The following KCNIP4 variants were observed in gnomAD, a reference collection of about 807,000 sequenced individuals.
KCNIP4 encodes potassium voltage-gated channel interacting protein 4.
A neutral mutation model predicts 34.0 loss-of-function variants in KCNIP4; 12 were observed. The observed-to-expected ratio is 0.35, with a 90% confidence interval of 0.23 to 0.57. KCNIP4 has a LOEUF of 0.57. Among genes scored for constraint, KCNIP4 ranks in the 20% least tolerant of loss-of-function variants. The probability of loss-of-function intolerance (pLI) is 0.83; values close to 1 mark genes in which losing one functional copy is unlikely to be tolerated. For missense variants in KCNIP4, 238 were observed against 311.7 expected (o/e 0.76, Z 1.78); for synonymous variants, 124 against 102.2 (o/e 1.21, Z -1.29).
chr4:21,872,090 T>C (rs1725855052), intron 1 of KCNIP4, among the ~76,000 whole-genome samples: 1 of 152,054 alleles, frequency 6.6e-6, no homozygotes, highest in Non-Finnish European at 1.5e-5. Flanking sequence ...AGAGCTTAAG[T>C]GTCCTATCAG....
chr4:21,076,608 A>C (rs946403247), intron 1 of KCNIP4, among the ~76,000 whole-genome samples: 1 of 152,166 alleles, frequency 6.6e-6, no homozygotes, highest in African/African-American at 2.4e-5. Context: ...GTAACTCTTC[A>C]GTTCTATGAC....
intron 1 of KCNIP4, among the ~76,000 whole-genome samples, chr4:20,970,308 A>G (rs939275256): frequency 8.6e-5 from 13 of 151,992 alleles, no homozygotes; most frequent in Admixed American, 6.6e-5. Context: ...CTATTTATAC[A>G]TTTTCCTCAA....
intron 6 of KCNIP4, among the ~76,000 whole-genome samples, chr4:20,733,293 G>C (rs1031909905): frequency 6.6e-6 from 1 of 152,096 alleles, no homozygotes; most frequent in Non-Finnish European, 1.5e-5. Flanking sequence ...AGTCACATGT[G>C]AAGACTAGTC....
At chr4:21,783,867 T>C (rs973169628) in intron 1 of KCNIP4, among the ~76,000 whole-genome samples, 18 of 147,114 alleles carry the variant, frequency 1.2e-4, no homozygotes, top group African/African-American at 4.9e-4. Flanking sequence ...ACGGATAAGG[T>C]ACAAAACTGA....
chr4:20,841,080 A>T (rs556346960), intron 3 of KCNIP4, among the ~76,000 whole-genome samples: 2 of 152,178 alleles, frequency 1.3e-5, no homozygotes, highest in Admixed American at 6.5e-5. Flanking sequence ...TAGTTCTTTT[A>T]CTAAAGGAGC....
chr4:21,625,121 G>T (rs921356182), intron 1 of KCNIP4, among the ~76,000 whole-genome samples: 5 of 152,000 alleles, frequency 3.3e-5, no homozygotes, highest in Admixed American at 1.3e-4. Flanking sequence ...TCATGACTTT[G>T]TTGGTCCTCC....
intron 1 of KCNIP4, among the ~76,000 whole-genome samples, chr4:21,443,665 C>T (rs537117070): frequency 6.6e-6 from 1 of 152,218 alleles, no homozygotes. Flanking sequence ...TGAACATTAA[C>T]CAGGCTCTTG....
chr4:20,936,963 C>A (rs957134440), intron 1 of KCNIP4, among the ~76,000 whole-genome samples: 1 of 152,000 alleles, frequency 6.6e-6, no homozygotes, highest in Non-Finnish European at 1.5e-5. Flanking sequence ...GCAGGTAGAT[C>A]AGTGTGCTGA....
At chr4:21,040,756 C>T (rs1259801300) in intron 1 of KCNIP4, among the ~76,000 whole-genome samples, 1 of 151,996 alleles carries the variant, frequency 6.6e-6, no homozygotes, top group Non-Finnish European at 1.5e-5. Flanking sequence ...TGAATGGGAT[C>T]CCAGGCACCC....
At chr4:21,009,772 G>A (rs1206144633) in intron 1 of KCNIP4, among the ~76,000 whole-genome samples, 1 of 152,270 alleles carries the variant, frequency 6.6e-6, no homozygotes, top group African/African-American at 2.4e-5. Context: ...ATGGGCTGCC[G>A]CCTCTGAGCT....
intron 1 of KCNIP4, among the ~76,000 whole-genome samples, chr4:21,789,904 C>T (rs184497560): frequency 1.2e-4 from 19 of 152,250 alleles, no homozygotes; most frequent in East Asian, 3.9e-4. Flanking sequence ...ATTCAGTTTG[C>T]GTTTGTTTTA....
chr4:21,894,111 C>T (rs1317849996), intron 1 of KCNIP4, among the ~76,000 whole-genome samples: 1 of 151,838 alleles, frequency 6.6e-6, no homozygotes, highest in African/African-American at 2.4e-5. Flanking sequence ...GAAGACAGAT[C>T]GCTAGAGGTC....
At chr4:20,970,893 T>C (rs566460524) in intron 1 of KCNIP4, among the ~76,000 whole-genome samples, 1 of 152,316 alleles carries the variant, frequency 6.6e-6, no homozygotes, top group Admixed American at 6.5e-5. Context: ...GCTCTACATA[T>C]GCGGTGCTTG....
intron 1 of KCNIP4, among the ~76,000 whole-genome samples, chr4:21,423,659 C>G (rs1034481727): frequency 6.6e-6 from 1 of 152,140 alleles, no homozygotes; most frequent in Non-Finnish European, 1.5e-5. Context: ...AAGTTCAATC[C>G]AACTGATTTT....
chr4:21,013,789 A>G (rs76318420), intron 1 of KCNIP4, among the ~76,000 whole-genome samples: 7,502 of 152,216 alleles, frequency 0.049, 238 homozygotes, highest in Admixed American at 0.081. Context: ...ATGAACAGAG[A>G]CCAGAGTTCC....
At chr4:21,629,849 C>CTTTTT (rs5856652) in intron 1 of KCNIP4, among the ~76,000 whole-genome samples, 23,929 of 87,322 alleles carry the variant, frequency 0.27, 4,832 homozygotes, top group East Asian at 0.52. Flanking sequence ...CTTTTTCTTT[C>CTTTTT]TTTTTTTTTT....
At chr4:21,110,840 A>G (rs1052419193) in intron 1 of KCNIP4, among the ~76,000 whole-genome samples, 3 of 152,164 alleles carry the variant, frequency 2.0e-5, no homozygotes, top group African/African-American at 7.2e-5. Flanking sequence ...GAGTGTCTCA[A>G]TATTGGACTT....
At chr4:21,440,394 T>G (rs1402150410) in intron 1 of KCNIP4, among the ~76,000 whole-genome samples, 1 of 152,252 alleles carries the variant, frequency 6.6e-6, no homozygotes, top group Non-Finnish European at 1.5e-5. Flanking sequence ...TCAATTGTCA[T>G]CTAATTGGAA....
intron 1 of KCNIP4, among the ~76,000 whole-genome samples, chr4:21,105,440 C>T (rs1426908572): frequency 4.0e-5 from 6 of 151,628 alleles, no homozygotes; most frequent in South Asian, 2.1e-4. Context: ...TTTTGCACAT[C>T]AATTTTGTAT....
Sources: allele counts gnomAD v4.1 joint callset (sites outside exome capture counted in the v4.1 genomes callset), GRCh38; gene constraint gnomAD v4.1.1; transcripts MANE v1.5; gene names NCBI Gene and HGNC (gene_info 2026-07-23, HGNC 2026-07-21).